RXRA: variants seen among roughly 807,000 people sequenced by gnomAD.
RXRA encodes retinoid X receptor alpha, also known as retinoic acid receptor RXR-alpha.
RXRA carries 5 observed loss-of-function variants against 44.5 expected under a neutral mutation model. The observed-to-expected ratio is 0.11, with a 90% CI of 0.06 to 0.24. The LOEUF is 0.24. Among genes scored for constraint, RXRA ranks in the 10% least tolerant of loss-of-function variants. RXRA has a pLI of 1.00. For synonymous variants in RXRA, 291 were observed against 271.4 expected, an observed-to-expected ratio of 1.07 and a Z score of -0.71; for missense variants, 412 against 646.5, an observed-to-expected ratio of 0.64 and a Z score of 3.93.
At position 134,433,833 on chromosome 9, in the gene RXRA, C is replaced by T. The variant is rs1463319481; in HGVS notation, c.1136-269C>T. Among the ~76,000 whole-genome samples the T allele has an allele frequency of 2.0e-5, 3 of 152,194 alleles. No homozygotes were observed. The highest frequency in any genetic ancestry group is 1.9e-4 in the East Asian group (1 of 5,196). On this transcript the variant is annotated intron_variant, in intron 8 of 9. Transcript: ENST00000481739. This position sits in a 1 kb window ranked among gnomAD's most constrained non-coding sequence, Gnocchi z 4.2. ...ATGGGGAAACCGAGTCTCTGGAGGT[C>T]AAATAGTTGACCCAAGGTCACGTGG...
intron 1 of RXRA, among the ~76,000 whole-genome samples, chr9:134,392,802 T>C (rs1363812732): frequency 6.6e-6 from 1 of 152,012 alleles, no homozygotes; most frequent in Non-Finnish European, 1.5e-5. Context: ...GCCGTGCGGG[T>C]TGCACCTTGG....
chr9:134,341,243 G>T (rs1830082074), intron 1 of RXRA, among the ~76,000 whole-genome samples: 1 of 152,214 alleles, frequency 6.6e-6, no homozygotes, highest in African/African-American at 2.4e-5. Flanking sequence ...GCTACAGATA[G>T]GGGCTCAGCT....
chr9:134,369,403 G>A (rs1415031027), intron 1 of RXRA, among the ~76,000 whole-genome samples: 1 of 126,888 alleles, frequency 7.9e-6, no homozygotes, highest in Non-Finnish European at 1.6e-5. Flanking sequence ...GGGGTTGTGT[G>A]TGTGTGGGTT....
intron 6 of RXRA, chr9:134,424,149 T>TA (rs1281436294): frequency 1.9e-5 from 19 of 985,332 alleles, no homozygotes; most frequent in Non-Finnish European, 2.2e-5. Flanking sequence ...GTGCTGAGGT[T>TA]AGAGGGTTTC....
chr9:134,362,914 C>A lies in RXRA; in HGVS notation c.28+36255C>A, dbSNP rs149582447. Among the ~76,000 whole-genome samples, 409 of 152,374 alleles carry A rather than the reference C, an allele frequency of 2.7e-3. 2 individuals are homozygous for A. Among genetic ancestry groups the A allele is most frequent in the African/African-American group, 8.6e-3 (357 of 41,588 alleles). ...CTCACTCCCACAGCGTTGTCCCCAG[C>A]CTGATGTGCCCGCTGTCAGCAGCCA... On this transcript the variant is annotated intron_variant, in intron 1 of 9. Coordinates refer to ENST00000481739, the MANE Select transcript of RXRA (RefSeq NM_002957.6).
At chr9:134,381,091 A>G (rs190940413) in intron 1 of RXRA, among the ~76,000 whole-genome samples, 8 of 152,284 alleles carry the variant, frequency 5.3e-5, no homozygotes, top group Admixed American at 5.2e-4. Flanking sequence ...TCTGAGCCCC[A>G]GTTGCTGCTG....
At chr9:134,354,802 C>A (rs1439009844) in intron 1 of RXRA, among the ~76,000 whole-genome samples, 1 of 152,262 alleles carries the variant, frequency 6.6e-6, no homozygotes, top group African/African-American at 2.4e-5. Context: ...TCCAGGCTCC[C>A]CAGGCTGCAA....
intron 1 of RXRA, among the ~76,000 whole-genome samples, chr9:134,394,723 T>C (rs903315231): frequency 3.9e-5 from 6 of 152,130 alleles, no homozygotes; most frequent in African/African-American, 1.4e-4. Flanking sequence ...TCACGCCCCC[T>C]CACTACCCTG....
intron 1 of RXRA, among the ~76,000 whole-genome samples, chr9:134,356,673 G>A (rs1304140098): frequency 6.6e-6 from 1 of 152,218 alleles, no homozygotes; most frequent in Non-Finnish European, 1.5e-5. Flanking sequence ...CCTGCTCAGC[G>A]GCTCTTGGAT....
intron 1 of RXRA, among the ~76,000 whole-genome samples, chr9:134,398,227 A>C (rs903846344): frequency 6.6e-6 from 1 of 152,046 alleles, no homozygotes; most frequent in Non-Finnish European, 1.5e-5. Context: ...TGATCCACCC[A>C]CCTCAGCCTC....
chr9:134,330,232 C>T (rs1554746490), intron 1 of RXRA, among the ~76,000 whole-genome samples: 1 of 152,200 alleles, frequency 6.6e-6, no homozygotes, highest in African/African-American at 2.4e-5. Flanking sequence ...TCCCTGGGAC[C>T]CGGGCTTTGC....
At chr9:134,430,763 CTTTGTCTGGCTGG>C (rs566846116) in intron 7 of RXRA, among the ~76,000 whole-genome samples, 1 of 152,200 alleles carries the variant, frequency 6.6e-6, no homozygotes, top group Non-Finnish European at 1.5e-5. Flanking sequence ...CTGACAGATC[CTTTGTCTGGCTGG>C]TAGAGAGATG....
intron 1 of RXRA, among the ~76,000 whole-genome samples, chr9:134,391,419 A>G (rs1307096306): frequency 6.6e-6 from 1 of 152,172 alleles, no homozygotes; most frequent in Non-Finnish European, 1.5e-5. Flanking sequence ...ACATGGCTCA[A>G]AATGAAACAA....
rs567765078 is a variant in RXRA, at chr9:134,373,250, G to T, written c.29-28382G>T. Among the ~76,000 whole-genome samples the T allele has an allele frequency of 2.1e-3, 324 of 152,288 alleles. 2 individuals are homozygous for T. Among genetic ancestry groups the T allele is most frequent in the African/African-American group, 7.5e-3 (312 of 41,556 alleles). On this transcript the variant is annotated intron_variant, in intron 1 of 9. Coordinates refer to ENST00000481739, the MANE Select transcript of RXRA (RefSeq NM_002957.6). The stretch of plus-strand genomic sequence containing the variant: ...GTCCCAGAGACCAGCCTTTGGTGCT[G>T]TTCTTGGGCTAGGAATGGCAGTAAC...
rs1253511820 is a variant in RXRA at position 134,433,585 on chromosome 9, G to A, written c.1136-517G>A. Among the ~76,000 whole-genome samples the A allele has an allele frequency of 1.3e-5, 2 of 152,148 alleles. No homozygotes were observed. The highest frequency in any genetic ancestry group is 4.8e-5 in the African/African-American group (2 of 41,426). ...GGAGGTTTTGGTGGCTGCAATCTTA[G>A]CCTCTCTGTCCACTCTAGGCTCTTG... On this transcript the variant is annotated intron_variant, in intron 8 of 9. Transcript: ENST00000481739. This position sits in a 1 kb window ranked among gnomAD's most constrained non-coding sequence, Gnocchi z 4.2.
chr9:134,408,402 C>T, intron 3 of RXRA, 103 bp downstream of exon 3: 5 of 1,294,182 alleles, frequency 3.9e-6, no homozygotes, highest in Non-Finnish European at 4.2e-6. Flanking sequence ...CAAGCAGGAC[C>T]CAAGGCCAGG....
rs35278924 is a variant in RXRA at position 134,426,097 on chromosome 9, G to A, written c.911-3011G>A. On this transcript the variant is annotated intron_variant, in intron 6 of 9. Coordinates refer to ENST00000481739, the MANE Select transcript of RXRA (RefSeq NM_002957.6). The surrounding 1 kb of genome is among the most constrained non-coding windows in gnomAD (Gnocchi z 4.6). The stretch of plus-strand genomic sequence containing the variant: ...TCTGCAGGAGTAAGTTCCTTGGGAA[G>A]GGCCAGCCTCTTGAGTTGGAGGACA... 1.1e-4 allele frequency: 112 copies of A among 985,310 alleles called. 1 individual carries two copies. The African/African-American group carries it at 1.8e-3, about 16-fold the overall frequency. The allele number at this position is 985,310 out of a possible 1,614,324, so 61.0% of individuals were successfully genotyped here. A position where few individuals can be genotyped will look rare whatever the true frequency, so the allele number is the denominator to read the frequency against.
At position 134,366,712 on chromosome 9, in the gene RXRA, G is replaced by A. The variant is rs570705877; in HGVS notation, c.29-34920G>A. 7.9e-5 allele frequency among the ~76,000 whole-genome samples: 12 copies of A among 152,278 alleles called. No individual in the cohort carries two copies. The highest frequency in any genetic ancestry group is 2.4e-4 in the African/African-American group (10 of 41,550). On this transcript the variant is annotated intron_variant, in intron 1 of 9. Coordinates refer to ENST00000481739, the MANE Select transcript of RXRA (RefSeq NM_002957.6). The surrounding 1 kb of genome is among the most constrained non-coding windows in gnomAD (Gnocchi z 5.9). Reference sequence around the variant, plus strand: ...CTTCCTGCCTCAGAAGCTGAACCCCGGGGACAGTGTTGGTCAGAAAAGCCA... The same window carrying A: ...CTTCCTGCCTCAGAAGCTGAACCCCAGGGACAGTGTTGGTCAGAAAAGCCA...
At position 134,408,921 on chromosome 9, in the gene RXRA, G is replaced by A. The variant is rs1022930703; in HGVS notation, c.431-19G>A. The A allele has an allele frequency of 3.3e-6, 5 of 1,503,198 alleles. No individual in the cohort carries two copies. In the Admixed American group the frequency reaches 6.4e-5, roughly 19 times the overall value. 93.1% of individuals were successfully genotyped at this position (1,503,198 alleles called of 1,614,324 possible). On this transcript the variant is annotated intron_variant, in intron 3 of 9. Transcript: ENST00000481739. ...GGGGCGGTGGGTGCTCCCCAGCCCT[G>A]CTCTGCCCTGTCCCGCAGGCAAGCA...
Sources: gnomAD v4.1 joint callset for allele counts (sites outside exome capture counted in the v4.1 genomes callset) on GRCh38, gnomAD v4.1.1 for gene constraint, Gnocchi (gnomAD v3.1) non-coding constraint, MANE v1.5 for transcripts, NCBI Gene and HGNC (gene_info 2026-07-23, HGNC 2026-07-21) for gene names.